Variants in ZNF700 observed in about 807,000 individuals in gnomAD.
ZNF700 encodes zinc finger protein 700.
Under a neutral mutation model 65.3 loss-of-function variants are expected in ZNF700, and 38 were observed. The ratio of observed to expected loss-of-function variants is 0.58; its 90% CI spans 0.45 to 0.76. ZNF700 has a LOEUF of 0.76. Among genes scored for constraint, ZNF700 ranks in the 30% least tolerant of loss-of-function variants. The probability of loss-of-function intolerance (pLI) is 0.00; values close to 1 mark genes in which losing one functional copy is unlikely to be tolerated. For synonymous variants in ZNF700, 285 were observed against 290.4 expected, an observed-to-expected ratio of 0.98 and a Z score of 0.19; for missense variants, 857 against 888.4, an observed-to-expected ratio of 0.96 and a Z score of 0.45.
At chr19:11,948,218 A>G in intron 3 of ZNF700, 58 bp from the exon 4 acceptor site, 2 of 1,558,360 alleles carry the variant, frequency 1.3e-6, no homozygotes, top group East Asian at 4.5e-5. Flanking sequence ...ATACTTGTTG[A>G]TTAATATAGA....
Position 11,925,180 on chromosome 19 carries a change from C to T in ZNF700, c.-31C>T. The T allele has an allele frequency of 6.2e-7, 1 of 1,609,768 alleles. No homozygotes were observed. The highest frequency in any genetic ancestry group is 8.5e-7 in the Non-Finnish European group (1 of 1,177,170). ...GCCCGAGAGGGACCTGGTGCCTGTACCCAGGCTTCTGTCGCTCTGTCGCCT... is the reference window on the plus strand; with the variant it reads ...GCCCGAGAGGGACCTGGTGCCTGTATCCAGGCTTCTGTCGCTCTGTCGCCT... On this transcript the variant is annotated 5_prime_UTR_variant, in exon 1 of 4. Coordinates refer to ENST00000254321, the MANE Select transcript of ZNF700 (RefSeq NM_144566.3).
chr19:11,925,401 C>T lies in ZNF700; in HGVS notation c.63+128C>T, dbSNP rs1474880940. On this transcript the variant is annotated intron_variant, in intron 1 of 3. Coordinates refer to ENST00000254321, the MANE Select transcript of ZNF700 (RefSeq NM_144566.3). ...GGTCTGGGACCGAGTCCTCCTTGAGCAGTTCGGCCCTCGGTCCCCTTGGCC... is the reference window on the plus strand; with the variant it reads ...GGTCTGGGACCGAGTCCTCCTTGAGTAGTTCGGCCCTCGGTCCCCTTGGCC... 7.0e-6 allele frequency: 10 copies of T among 1,428,914 alleles called. No homozygotes were observed. The African/African-American group carries it at 1.2e-4, about 17-fold the overall frequency. The allele number at this position is 1,428,914 out of a possible 1,614,324, so 88.5% of individuals were successfully genotyped here.
rs201450929 is a variant in ZNF700, at chr19:11,925,191, G to T, written c.-20G>T. 1.2e-6 allele frequency: 2 copies of T among 1,611,564 alleles called. No homozygotes were observed. The highest frequency in any genetic ancestry group is 2.7e-5 in the African/African-American group (2 of 74,954). On this transcript the variant is annotated 5_prime_UTR_variant, in exon 1 of 4. Transcript: ENST00000254321. Reference sequence around the variant, plus strand: ...ACCTGGTGCCTGTACCCAGGCTTCTGTCGCTCTGTCGCCTGCGCTATGCCC... The same window carrying T: ...ACCTGGTGCCTGTACCCAGGCTTCTTTCGCTCTGTCGCCTGCGCTATGCCC...
In ZNF700 at chr19:11,939,539, T is replaced by C. The variant is rs555475238; in HGVS notation, c.64-7642T>C. 1.6e-4 allele frequency among the ~76,000 whole-genome samples: 25 copies of C among 152,354 alleles called. No individual in the cohort carries two copies. The South Asian group carries it at 2.7e-3, about 16-fold the overall frequency. ...TCGTCAAAGATCAGATGGTTGTATA[T>C]GTGTGGTATTATTTCTGAGGGCTCT... On this transcript the variant is annotated intron_variant, in intron 1 of 3. Coordinates refer to ENST00000254321, the MANE Select transcript of ZNF700 (RefSeq NM_144566.3).
chr19:11,949,983 C>A lies in ZNF700; in HGVS notation c.1959C>A (p.Cys653Ter). 6.2e-7 allele frequency: 1 copy of A among 1,613,142 alleles called. No individual in the cohort carries two copies. Among genetic ancestry groups the A allele is most frequent in the Non-Finnish European group, 8.5e-7 (1 of 1,179,736 alleles). ...TGEKPYECKE[C>*]EKAFCKFSSF... ...AGAAACCCTATGAATGTAAGGAATG[C>A]GAAAAAGCATTCTGTAAATTCTCTT... Residue 653 changes from cysteine to a stop codon, truncating the protein, a stop_gained, in exon 4 of 4, where the codon TGC becomes TGA. Transcript: ENST00000254321. LOFTEE classifies it high-confidence loss of function.
chr19:11,933,476 C>T (rs1215318691), intron 1 of ZNF700, among the ~76,000 whole-genome samples: 2 of 147,826 alleles, frequency 1.4e-5, no homozygotes, highest in East Asian at 1.9e-4. Context: ...TATACAGAAG[C>T]GTGTCACAGG....
chr19:11,936,928 C>G (rs1355294492), intron 1 of ZNF700, among the ~76,000 whole-genome samples: 5 of 152,138 alleles, frequency 3.3e-5, no homozygotes, highest in Admixed American at 6.6e-5. Flanking sequence ...CTCCCAGCAC[C>G]ATTTATTAAA....
At position 11,950,053 on chromosome 19, in the gene ZNF700, G is replaced by C; in HGVS notation, c.2029G>C (p.Glu677Gln). 1 of 1,614,198 alleles carries C rather than the reference G, an allele frequency of 6.2e-7. No homozygotes were observed. Among genetic ancestry groups the C allele is most frequent in the Non-Finnish European group, 8.5e-7 (1 of 1,180,026 alleles). ...GAAGCACAGAGGAGAGAAGCCCTATGAATGTAAGCATTGTGGGAATGGATT... is the reference window on the plus strand; with the variant it reads ...GAAGCACAGAGGAGAGAAGCCCTATCAATGTAAGCATTGTGGGAATGGATT... ...ERKHRGEKPYECKHCGNGFTS... is the reference protein window; with the variant it reads ...ERKHRGEKPYQCKHCGNGFTS... Residue 677 changes from glutamate (E) to glutamine (Q), a missense_variant, in exon 4 of 4, where the codon GAA (glutamate) becomes CAA (glutamine). Around this residue, in one of 3 missense-constraint regions of ZNF700, gnomAD observed 251 missense variants for 250.3 expected, o/e 1.00. Transcript: ENST00000254321.
chr19:11,934,790 G>A (rs1438393496), intron 1 of ZNF700, among the ~76,000 whole-genome samples: 2 of 148,018 alleles, frequency 1.4e-5, no homozygotes, highest in African/African-American at 2.6e-5. Context: ...GCTTCCCAAT[G>A]TGCTGGATTA....
At chr19:11,927,181 C>T (rs191969092) in intron 1 of ZNF700, among the ~76,000 whole-genome samples, 67 of 152,146 alleles carry the variant, frequency 4.4e-4, no homozygotes, top group Non-Finnish European at 8.1e-4. Context: ...AGTGAAACCC[C>T]ATCTCTTCCA....
At chr19:11,936,992 G>A (rs1157865731) in intron 1 of ZNF700, among the ~76,000 whole-genome samples, 1 of 152,134 alleles carries the variant, frequency 6.6e-6, no homozygotes, top group African/African-American at 2.4e-5. Flanking sequence ...AAGATCAGAT[G>A]GTTGTATATG....
chr19:11,938,515 C>T lies in ZNF700; in HGVS notation c.64-8666C>T, dbSNP rs564640231. Among the ~76,000 whole-genome samples, 3 of 152,198 alleles carry T rather than the reference C, an allele frequency of 2.0e-5. No homozygotes were observed. The South Asian group carries it at 6.2e-4, about 32-fold the overall frequency. Reference sequence around the variant, plus strand: ...TTTTCTGTCCTTGAGATAGTTTGCTCAGAATAATGGTTTCCAGCTTCATCC... The same window carrying T: ...TTTTCTGTCCTTGAGATAGTTTGCTTAGAATAATGGTTTCCAGCTTCATCC... On this transcript the variant is annotated intron_variant, in intron 1 of 3. Coordinates refer to ENST00000254321, the MANE Select transcript of ZNF700 (RefSeq NM_144566.3).
intron 1 of ZNF700, among the ~76,000 whole-genome samples, chr19:11,940,869 G>C (rs749284069): frequency 6.6e-6 from 1 of 152,112 alleles, no homozygotes; most frequent in Admixed American, 6.5e-5. Flanking sequence ...TTGACATAAA[G>C]GTTCTCCAAG....
rs756924706 is a variant in ZNF700, at chr19:11,949,517, A to T, written c.1493A>T (p.His498Leu). 1.2e-6 allele frequency: 2 copies of T among 1,611,678 alleles called. No individual in the cohort carries two copies. The highest frequency in any genetic ancestry group is 1.7e-6 in the Non-Finnish European group (2 of 1,179,510). The change falls in exon 4 of 4, where the codon CAC (histidine) becomes CTC (leucine). Residue 498 changes from histidine to leucine, a missense_variant. This residue lies in a region of ZNF700 where 603 missense variants were observed against 619.9 expected (regional missense o/e 0.97). Transcript: ENST00000254321. ...HLQIHERTEKHIRMPSGERPY... is the reference protein window; with the variant it reads ...HLQIHERTEKLIRMPSGERPY... ...CAAATTCATGAAAGGACAGAAAAAC[A>T]CATAAGAATGCCCTCTGGAGAAAGA...
chr19:11,942,162 G>A (rs1394709515), intron 1 of ZNF700, among the ~76,000 whole-genome samples: 1 of 150,470 alleles, frequency 6.6e-6, no homozygotes, highest in African/African-American at 2.5e-5. Context: ...TTCTACTTAG[G>A]TGTTTCCCCT....
chr19:11,948,211 C>T (rs1487536664), intron 3 of ZNF700, 65 bp from the exon 4 acceptor site: 5 of 1,544,266 alleles, frequency 3.2e-6, no homozygotes, highest in Non-Finnish European at 4.4e-6. Flanking sequence ...AAGTGCAATA[C>T]TTGTTGATTA....
At chr19:11,942,669 G>A (rs1335876567) in intron 1 of ZNF700, among the ~76,000 whole-genome samples, 1 of 152,212 alleles carries the variant, frequency 6.6e-6, no homozygotes, top group Admixed American at 6.5e-5. Context: ...AATTGGGGCT[G>A]CATGCATCGG....
chr19:11,946,344 C>A (rs1481195576), intron 1 of ZNF700, among the ~76,000 whole-genome samples: 2 of 152,060 alleles, frequency 1.3e-5, no homozygotes, highest in Non-Finnish European at 2.9e-5. Context: ...AGTGGGGAGT[C>A]TCTCTTCTAG....
At chr19:11,947,753 C>T (rs148027631) in intron 3 of ZNF700, among the ~76,000 whole-genome samples, 179 bp downstream of exon 3, 356 of 152,302 alleles carry the variant, frequency 2.3e-3, no homozygotes, top group Middle Eastern at 0.014. Context: ...CTCCTGTAAT[C>T]CCAGTCCTTT....
Sources: allele counts gnomAD v4.1 joint callset (sites outside exome capture counted in the v4.1 genomes callset), GRCh38; gene constraint gnomAD v4.1.1; regional missense constraint gnomAD v4.1.1; transcripts MANE v1.5; gene names NCBI Gene and HGNC (gene_info 2026-07-23, HGNC 2026-07-21).